SCARB1: variants seen among roughly 807,000 people sequenced by gnomAD.
SCARB1 encodes scavenger receptor class B member 1.
In SCARB1, 30 loss-of-function variants were observed where a neutral mutation model predicts 57.2. The ratio of observed to expected loss-of-function variants is 0.52; its 90% CI spans 0.39 to 0.71. The LOEUF (loss-of-function observed/expected upper bound fraction) is 0.71. SCARB1 is among the 30% of genes least tolerant of loss of function. SCARB1 has a pLI of 0.00. For synonymous variants in SCARB1, 249 were observed against 268.3 expected (o/e 0.93, Z 0.70); for missense variants, 543 against 671.2 (o/e 0.81, Z 2.11).
chr12:124,781,408 C>T (rs1422388655), intron 12 of SCARB1, among the ~76,000 whole-genome samples: 3 of 151,790 alleles, frequency 2.0e-5, no homozygotes, highest in Non-Finnish European at 4.4e-5. Flanking sequence ...AAAATAACAG[C>T]TATTATCAGA....
chr12:124,787,555 T>C, intron 9 of SCARB1, 98 bp from the exon 10 acceptor site: 1 of 1,079,462 alleles, frequency 9.3e-7, no homozygotes. Flanking sequence ...TTTAGTATAA[T>C]TTTGCACACA....
intron 1 of SCARB1, among the ~76,000 whole-genome samples, chr12:124,845,108 C>G (rs895763509): frequency 4.6e-5 from 7 of 151,988 alleles, no homozygotes; most frequent in Non-Finnish European, 8.8e-5. Context: ...GGCTGAAGAG[C>G]GAGAGGGGTG....
intron 7 of SCARB1, among the ~76,000 whole-genome samples, chr12:124,802,296 A>G (rs150247647): frequency 1.6e-4 from 25 of 152,298 alleles, no homozygotes; most frequent in African/African-American, 5.1e-4. Flanking sequence ...AAAAAGGCTG[A>G]TGAGTGTGGA....
chr12:124,779,276 G>A (rs1039804202), intron 12 of SCARB1, among the ~76,000 whole-genome samples: 3 of 152,202 alleles, frequency 2.0e-5, no homozygotes, highest in East Asian at 1.9e-4. Context: ...GTCACAGGAC[G>A]GTATTCAGCC....
chr12:124,845,726 G>A (rs1952119470), intron 1 of SCARB1, among the ~76,000 whole-genome samples: 1 of 146,994 alleles, frequency 6.8e-6, no homozygotes, highest in Non-Finnish European at 1.5e-5. Context: ...AAATGTCCAG[G>A]GCCGGGCACG....
intron 8 of SCARB1, among the ~76,000 whole-genome samples, chr12:124,795,648 C>T (rs375768051): frequency 2.6e-5 from 4 of 152,350 alleles, no homozygotes; most frequent in African/African-American, 9.6e-5. Flanking sequence ...TTTGTCCATG[C>T]TCCCTCTCAA....
rs1436545193 is a variant in SCARB1, at chr12:124,800,565, C to T, written c.1010-323G>A. Among the ~76,000 whole-genome samples the T allele has an allele frequency of 6.6e-6, 1 of 152,034 alleles. No homozygotes were observed. The highest frequency in any genetic ancestry group is 2.4e-5 in the African/African-American group (1 of 41,386). ...AGGTGGAAGGGAAGGCAGAAGCAAG[C>T]GTGGGGAGGGGGAAATGCATGGTGC... On this transcript the variant is annotated intron_variant, in intron 7 of 12. Transcript: ENST00000261693. The surrounding 1 kb of genome is among the most constrained non-coding windows in gnomAD (Gnocchi z 4.8).
chr12:124,778,588 T>C lies in SCARB1; in HGVS notation c.*1-2A>G. On this transcript the variant is annotated splice_acceptor_variant, in intron 12 of 12. Coordinates refer to ENST00000261693, the MANE Select transcript of SCARB1 (RefSeq NM_005505.5). LOFTEE classifies it low-confidence loss of function (3UTR_SPLICE). The stretch of plus-strand genomic sequence containing the variant: ...CTGGCTCACGGTGTCCTCAGGACCC[T>C]GTGGAGAAAGGCAAAGCTGGGTGAC... 1 of 1,410,692 alleles carries C rather than the reference T, an allele frequency of 7.1e-7. No individual in the cohort carries two copies. Among genetic ancestry groups the C allele is most frequent in the African/African-American group, 1.5e-5 (1 of 65,754 alleles). The allele number at this position is 1,410,692 out of a possible 1,614,324, so 87.4% of individuals were successfully genotyped here.
In SCARB1 at chr12:124,863,810, T is replaced by C; in HGVS notation, c.-90A>G. On this transcript the variant is annotated 5_prime_UTR_variant, in exon 1 of 13. Coordinates refer to ENST00000261693, the MANE Select transcript of SCARB1 (RefSeq NM_005505.5). The stretch of plus-strand genomic sequence containing the variant: ...CGACAGAGACGACACAGGCGGGGAC[T>C]CCGGGCACGCAGGCCGCAGAGGCAC... The C allele has an allele frequency of 1.5e-6, 2 of 1,354,940 alleles. No homozygotes were observed. The highest frequency in any genetic ancestry group is 1.9e-6 in the Non-Finnish European group (2 of 1,056,216). The allele number at this position is 1,354,940 out of a possible 1,614,324, so 83.9% of individuals were successfully genotyped here.
At chr12:124,785,297 CA>C (rs1486293994) in intron 11 of SCARB1, 2 of 152,668 alleles carry the variant, frequency 1.3e-5, no homozygotes, top group African/African-American at 4.8e-5. Flanking sequence ...CACTGTGCAC[CA>C]CGAGGCCCTG....
chr12:124,848,995 T>A (rs1031015299), intron 1 of SCARB1, among the ~76,000 whole-genome samples: 1 of 152,238 alleles, frequency 6.6e-6, no homozygotes, highest in Non-Finnish European at 1.5e-5. Context: ...AAGTGTGACA[T>A]GTGCCAATTC....
At chr12:124,795,422 G>T (rs201832943) in intron 8 of SCARB1, among the ~76,000 whole-genome samples, 154 bp from the exon 9 acceptor site, 2 of 103,896 alleles carry the variant, frequency 1.9e-5, no homozygotes, top group Non-Finnish European at 3.7e-5. Context: ...GCCACAGGCT[G>T]GGGGGGGTCA....
Position 124,811,948 on chromosome 12 carries a change from A to G in SCARB1, c.648T>C (p.Ser216=), listed in dbSNP as rs370285171. 3 of 1,612,706 alleles carry G rather than the reference A, an allele frequency of 1.9e-6. No homozygotes were observed. The African/African-American group carries it at 4.0e-5, about 22-fold the overall frequency. The part of the protein sequence containing the change: ...GLFAELNNSD[S]GLFTVFTGVQ... ...CCCCCGTGAACACCGTGAAGAGCCC[A>G]GAGTCGGAGTTGTTGAGCTACAGAC... Residue 216 remains serine (S), a synonymous_variant, in exon 5 of 13, where the codon TCT becomes TCC. Transcript: ENST00000261693.
intron 12 of SCARB1, among the ~76,000 whole-genome samples, chr12:124,780,221 C>A (rs1873177999): frequency 6.6e-6 from 1 of 152,124 alleles, no homozygotes; most frequent in African/African-American, 2.4e-5. Flanking sequence ...CCCTGAAGGG[C>A]CACCTGGACA....
intron 1 of SCARB1, among the ~76,000 whole-genome samples, chr12:124,837,504 GGAGAAAAAAGAA>G (rs1310259782): frequency 0.044 from 5,394 of 122,682 alleles, 254 homozygotes; most frequent in African/African-American, 0.063. Flanking sequence ...AGGAAGGAAG[GGAGAAAAAAGAA>G]AAGAAAGGAA....
intron 12 of SCARB1, among the ~76,000 whole-genome samples, chr12:124,781,482 G>A (rs949611248): frequency 4.0e-5 from 6 of 151,880 alleles, no homozygotes; most frequent in Non-Finnish European, 7.4e-5. Context: ...AGCTCTGCCC[G>A]TCACCTCCCC....
In SCARB1 at chr12:124,863,660, A is replaced by C; in HGVS notation, c.61T>G (p.Cys21Gly). The change falls in exon 1 of 13, where the codon TGC becomes GGC. Residue 21 changes from cysteine to glycine, a missense_variant. By Grantham distance (159) the Cys-to-Gly change is radical. Coordinates refer to ENST00000261693, the MANE Select transcript of SCARB1 (RefSeq NM_005505.5). The stretch of plus-strand genomic sequence containing the variant: ...ATCATGACAGCGCCCAGCACAGCGC[A>C]CAGTAGCCCCGCGACGCCCAGCGCC... ...AGALGVAGLL[C>G]AVLGAVMIVM... 1 of 1,582,040 alleles carries C rather than the reference A, an allele frequency of 6.3e-7. No individual in the cohort carries two copies. The highest frequency in any genetic ancestry group is 8.6e-7 in the Non-Finnish European group (1 of 1,165,364).
At chr12:124,836,385 ATC>A (rs1325867527) in intron 1 of SCARB1, among the ~76,000 whole-genome samples, 1 of 152,194 alleles carries the variant, frequency 6.6e-6, no homozygotes, top group Non-Finnish European at 1.5e-5. Context: ...ACCACCTCCC[ATC>A]TCTCAGGAAG....
chr12:124,834,071 A>G (rs559007286), intron 1 of SCARB1, among the ~76,000 whole-genome samples: 1 of 152,298 alleles, frequency 6.6e-6, no homozygotes, highest in African/African-American at 2.4e-5. Flanking sequence ...CAGAAACACA[A>G]ACCGAGGCCC....
Sources: allele counts gnomAD v4.1 joint callset (sites outside exome capture counted in the v4.1 genomes callset), GRCh38; gene constraint gnomAD v4.1.1; non-coding constraint Gnocchi (gnomAD v3.1); transcripts MANE v1.5; gene names NCBI Gene and HGNC (gene_info 2026-07-23, HGNC 2026-07-21).